Variants in TET3 observed in about 807,000 individuals in gnomAD.
TET3 encodes the protein methylcytosine dioxygenase TET3.
In TET3, 19 loss-of-function variants were observed where a neutral mutation model predicts 141.4. That is an observed-to-expected ratio of 0.13 (90% confidence interval 0.09 to 0.20). The LOEUF is 0.20. Ranked by LOEUF, TET3 falls within the 10% of genes least tolerant of loss-of-function variation. The pLI, the probability that TET3 is intolerant of heterozygous loss-of-function variation, is 1.00. For missense variants in TET3, 1,874 were observed against 2,356.9 expected (o/e 0.80, Z 4.24); for synonymous variants, 1,043 against 980.9 (o/e 1.06, Z -1.18).
At chr2:73,997,530 G>A (rs1684655157) in intron 2 of TET3, among the ~76,000 whole-genome samples, 1 of 152,146 alleles carries the variant, frequency 6.6e-6, no homozygotes, top group Non-Finnish European at 1.5e-5. Flanking sequence ...GAGGGCCAGT[G>A]GGAGAAGAGC....
the TET3 span, chr2:74,134,803 A>G: frequency 2.2e-6 from 1 of 456,476 alleles, no homozygotes; most frequent in Non-Finnish European, 4.4e-6. Context: ...CTCCAGAGAG[A>G]GCAGCTTATA....
At chr2:74,027,535 A>G (rs908344016) in intron 3 of TET3, among the ~76,000 whole-genome samples, 6 of 150,538 alleles carry the variant, frequency 4.0e-5, no homozygotes, top group South Asian at 2.1e-4. Flanking sequence ...TGTTCCCCTA[A>G]CCCCCTCAGC....
Position 74,087,963 on chromosome 2 carries a change from C to A in TET3, c.2813C>A (p.Thr938Asn), listed in dbSNP as rs1414918773. The A allele has an allele frequency of 6.4e-7, 1 of 1,557,264 alleles. No homozygotes were observed. The highest frequency in any genetic ancestry group is 8.7e-7 in the Non-Finnish European group (1 of 1,150,368). The change falls in exon 7 of 12, where the codon ACC becomes AAC. Residue 938 changes from threonine (T) to asparagine (N), a missense_variant. By Grantham distance (65) the Thr-to-Asn change is moderately conservative. Around this residue, in one of 10 missense-constraint regions of TET3, gnomAD observed 126 missense variants for 327.4 expected, o/e 0.38. Coordinates refer to ENST00000409262, the MANE Select transcript of TET3 (RefSeq NM_001287491.2). The surrounding 1 kb of genome is among the most constrained non-coding windows in gnomAD (Gnocchi z 4.3). ...WEGIPRSLGD[T>N]LYQELTDTLR... The stretch of plus-strand genomic sequence containing the variant: ...GGCATTCCCCGTAGCCTCGGAGACA[C>A]CCTCTACCAGGAGCTCACCGACACC...
intron 3 of TET3, among the ~76,000 whole-genome samples, chr2:74,020,646 G>T (rs1321967251): frequency 2.0e-5 from 3 of 152,228 alleles, no homozygotes; most frequent in Non-Finnish European, 2.9e-5. Flanking sequence ...CAAGGATGGT[G>T]ATGTCTACCT....
At chr2:74,059,516 A>G (rs563424381) in intron 4 of TET3, among the ~76,000 whole-genome samples, 6 of 152,180 alleles carry the variant, frequency 3.9e-5, no homozygotes, top group Non-Finnish European at 8.8e-5. Context: ...TGGCCTCCCA[A>G]AGTGCTAGGA....
chr2:74,091,293 T>C (rs1690477928), intron 8 of TET3, among the ~76,000 whole-genome samples: 1 of 152,200 alleles, frequency 6.6e-6, no homozygotes, highest in Non-Finnish European at 1.5e-5. Flanking sequence ...ATTGGCTTAA[T>C]TTCTCTCAAA....
In TET3 at chr2:74,003,978, T is replaced by C. The variant is rs941519265; in HGVS notation, c.360+812T>C. On this transcript the variant is annotated intron_variant, in intron 3 of 11. Transcript: ENST00000409262. The stretch of plus-strand genomic sequence containing the variant: ...ACCCGATCAGTAGGTTTCCTTGAGC[T>C]TGTCCCCCTTTTCAGGGCTAAGGAG... 3.3e-5 allele frequency among the ~76,000 whole-genome samples: 5 copies of C among 152,140 alleles called. No individual in the cohort carries two copies. In the East Asian group the frequency reaches 9.6e-4, roughly 29 times the overall value.
chr2:74,061,808 A>G, intron 4 of TET3, among the ~76,000 whole-genome samples: 1 of 116,998 alleles, frequency 8.5e-6, no homozygotes, highest in East Asian at 2.3e-4. Context: ...GGCGCTCCTC[A>G]CATCTCAGAC....
chr2:74,122,511 A>ATATTTTTTTTTTT, the TET3 span: 2 of 47,558 alleles, frequency 4.2e-5, no homozygotes, highest in Non-Finnish European at 7.5e-5. Context: ...ATATATATAT[A>ATATTTTTTTTTTT]TTTTTTTTTT....
chr2:73,998,975 C>T (rs4241258), intron 2 of TET3, among the ~76,000 whole-genome samples: 41,120 of 152,076 alleles, frequency 0.27, 9,109 homozygotes, highest in African/African-American at 0.61. Flanking sequence ...GAGAGACAGA[C>T]AACAGTACCA....
At chr2:74,119,475 ATAC>A in the TET3 span, among the ~76,000 whole-genome samples, 3 of 152,162 alleles carry the variant, frequency 2.0e-5, no homozygotes, top group Non-Finnish European at 4.4e-5. Flanking sequence ...CCTATTAGAA[ATAC>A]TACCCAGATG....
intron 8 of TET3, among the ~76,000 whole-genome samples, chr2:74,091,205 C>T (rs1344236725): frequency 1.3e-5 from 2 of 152,174 alleles, no homozygotes; most frequent in African/African-American, 4.8e-5. Context: ...CCCTCCCTTA[C>T]AAGCAGCAGA....
At chr2:74,117,056 T>C in the TET3 span, among the ~76,000 whole-genome samples, 1 of 152,006 alleles carries the variant, frequency 6.6e-6, no homozygotes, top group East Asian at 1.9e-4. Context: ...AAGAACCCAG[T>C]GGGAACTCTG....
chr2:74,026,316 T>C (rs567217641), intron 3 of TET3, among the ~76,000 whole-genome samples: 8 of 152,080 alleles, frequency 5.3e-5, no homozygotes, highest in Non-Finnish European at 1.0e-4. Flanking sequence ...TTCTGAAGAG[T>C]AACACCCTCG....
chr2:74,021,941 T>C (rs1416545874), intron 3 of TET3, among the ~76,000 whole-genome samples: 1 of 152,214 alleles, frequency 6.6e-6, no homozygotes, highest in Non-Finnish European at 1.5e-5. Context: ...AGGAAATAGT[T>C]AAAACTTTTT....
At chr2:74,009,352 C>G (rs145020773) in intron 3 of TET3, among the ~76,000 whole-genome samples, 1 of 152,336 alleles carries the variant, frequency 6.6e-6, no homozygotes, top group African/African-American at 2.4e-5. Flanking sequence ...GACCAACTTT[C>G]TCTACTTCAT....
intron 2 of TET3, among the ~76,000 whole-genome samples, chr2:73,994,634 C>CTT (rs1433899024): frequency 2.3e-4 from 24 of 106,380 alleles, no homozygotes; most frequent in African/African-American, 1.2e-3. Context: ...TTCTTTCTTT[C>CTT]TTTCTTTTTT....
chr2:74,039,000 G>T (rs1687206493), intron 3 of TET3, among the ~76,000 whole-genome samples: 2 of 152,128 alleles, frequency 1.3e-5, no homozygotes, highest in African/African-American at 4.8e-5. Context: ...CTTAGTTCAG[G>T]TCCTTATTGT....
intron 10 of TET3, among the ~76,000 whole-genome samples, 153 bp from the exon 11 acceptor site, chr2:74,099,123 A>G (rs1691014297): frequency 6.6e-6 from 1 of 152,202 alleles, no homozygotes; most frequent in South Asian, 2.1e-4. Context: ...AACCAAGATC[A>G]ATGTGCTTTC....
Sources: gnomAD v4.1 joint callset for allele counts (sites outside exome capture counted in the v4.1 genomes callset) on GRCh38, gnomAD v4.1.1 for gene constraint, gnomAD v4.1.1 regional missense constraint, Gnocchi (gnomAD v3.1) non-coding constraint, MANE v1.5 for transcripts, NCBI Gene and HGNC (gene_info 2026-07-23, HGNC 2026-07-21) for gene names.